The following MSH3 variants were observed in gnomAD, a reference collection of about 807,000 sequenced individuals.
MSH3 encodes the protein DNA mismatch repair protein Msh3.
Under a neutral mutation model 123.3 loss-of-function variants are expected in MSH3, and 106 were observed. That is an observed-to-expected ratio of 0.86 (90% CI 0.73 to 1.01). The LOEUF (loss-of-function observed/expected upper bound fraction) is 1.01. Ranked by LOEUF, MSH3 falls within the 50% of genes least tolerant of loss-of-function variation. The pLI is 0.00. For missense variants in MSH3, 1,459 were observed against 1,347.6 expected, an observed-to-expected ratio of 1.08 and a Z score of -1.29; for synonymous variants, 515 against 481.4, an observed-to-expected ratio of 1.07 and a Z score of -0.91.
chr5:80,776,029 A>G (rs889825779), intron 16 of MSH3, among the ~76,000 whole-genome samples: 1 of 151,990 alleles, frequency 6.6e-6, no homozygotes, highest in Non-Finnish European at 1.5e-5. Flanking sequence ...AGCTGGGACC[A>G]CAGGAGTACA....
chr5:80,826,526 A>G (rs762459968), intron 20 of MSH3, among the ~76,000 whole-genome samples: 73 of 151,170 alleles, frequency 4.8e-4, no homozygotes, highest in Non-Finnish European at 8.7e-4. Flanking sequence ...ATGAAACGCT[A>G]TAAACAGACA....
chr5:80,771,477 CAAA>C (rs61460666), intron 15 of MSH3, among the ~76,000 whole-genome samples: 14 of 99,406 alleles, frequency 1.4e-4, no homozygotes, highest in Admixed American at 1.1e-4. Context: ...AACCCTGTCT[CAAA>C]AAAAAAAAAA....
chr5:80,762,960 T>C (rs1350277892), intron 13 of MSH3, among the ~76,000 whole-genome samples: 2 of 151,698 alleles, frequency 1.3e-5, no homozygotes, highest in Non-Finnish European at 2.9e-5. Flanking sequence ...GATTCTTCTG[T>C]CTCAGCCTCC....
At chr5:80,811,104 G>T (rs533764004) in intron 19 of MSH3, among the ~76,000 whole-genome samples, 1 of 152,112 alleles carries the variant, frequency 6.6e-6, no homozygotes, top group Non-Finnish European at 1.5e-5. Flanking sequence ...ACCTGTATTT[G>T]TTGCTAAAAT....
intron 20 of MSH3, among the ~76,000 whole-genome samples, chr5:80,852,527 A>G (rs949888077): frequency 6.6e-6 from 1 of 152,192 alleles, no homozygotes; most frequent in East Asian, 1.9e-4. Context: ...GAAGCATTCT[A>G]AGTGGTTTCA....
intron 21 of MSH3, among the ~76,000 whole-genome samples, chr5:80,863,656 C>CA (rs1371570393): frequency 2.7e-5 from 4 of 147,236 alleles, no homozygotes; most frequent in South Asian, 2.1e-4. Context: ...GACACTCCGT[C>CA]TCAAAAAAAA....
intron 8 of MSH3, among the ~76,000 whole-genome samples, chr5:80,699,346 GTC>G (rs1443193283): frequency 6.6e-6 from 1 of 152,074 alleles, no homozygotes; most frequent in Non-Finnish European, 1.5e-5. Context: ...ATCACCTGAG[GTC>G]AGGAGTTCCA....
chr5:80,857,800 T>A (rs1397447548), intron 21 of MSH3, among the ~76,000 whole-genome samples: 3 of 152,190 alleles, frequency 2.0e-5, no homozygotes, highest in Non-Finnish European at 4.4e-5. Flanking sequence ...TTAGCTTGAC[T>A]AGAAGCTTAT....
At chr5:80,788,293 CG>C (rs1561478848) in intron 18 of MSH3, among the ~76,000 whole-genome samples, 2 of 151,956 alleles carry the variant, frequency 1.3e-5, no homozygotes, top group African/African-American at 4.8e-5. Context: ...AAAAATTAGC[CG>C]GGTGTGGTAT....
chr5:80,810,961 C>A (rs945415592), intron 19 of MSH3, among the ~76,000 whole-genome samples: 1 of 151,920 alleles, frequency 6.6e-6, no homozygotes, highest in Non-Finnish European at 1.5e-5. Context: ...TTTTGAGCAT[C>A]ATATTGTTGC....
chr5:80,806,336 A>T (rs1038024698), intron 19 of MSH3, among the ~76,000 whole-genome samples: 1 of 152,138 alleles, frequency 6.6e-6, no homozygotes, highest in African/African-American at 2.4e-5. Context: ...ACCTCAGATG[A>T]TCTGCCCGCC....
At chr5:80,725,715 C>T (rs1431225350) in intron 9 of MSH3, 150 bp downstream of exon 9, 1 of 683,716 alleles carries the variant, frequency 1.5e-6, no homozygotes, top group African/African-American at 1.8e-5. Flanking sequence ...ATCAGAAACA[C>T]TATTGTACTG....
At chr5:80,839,011 A>C (rs1274106715) in intron 20 of MSH3, among the ~76,000 whole-genome samples, 4 of 152,244 alleles carry the variant, frequency 2.6e-5, no homozygotes, top group African/African-American at 4.8e-5. Context: ...TTCTAGTGAC[A>C]GTACTCAATC....
intron 19 of MSH3, among the ~76,000 whole-genome samples, chr5:80,808,827 GACTT>G (rs1216201863): frequency 6.6e-5 from 8 of 120,778 alleles, no homozygotes; most frequent in African/African-American, 1.2e-4. Flanking sequence ...GAAAGTGTCA[GACTT>G]ACTTACTTTG....
intron 20 of MSH3, among the ~76,000 whole-genome samples, chr5:80,832,001 T>C (rs152411): frequency 0.22 from 32,885 of 151,958 alleles, 4,350 homozygotes; most frequent in Non-Finnish European, 0.29. Flanking sequence ...TCCCAGCTAC[T>C]CGGGAGGCTG....
chr5:80,679,387 C>T (rs1293893910), intron 8 of MSH3, among the ~76,000 whole-genome samples: 1 of 152,068 alleles, frequency 6.6e-6, no homozygotes, highest in Non-Finnish European at 1.5e-5. Flanking sequence ...ATAGAAGAAA[C>T]ACCACCTACC....
chr5:80,674,893 T>G (rs1327200865), intron 6 of MSH3, 90 bp from the exon 7 acceptor site: 1 of 1,185,124 alleles, frequency 8.4e-7, no homozygotes, highest in African/African-American at 1.5e-5. Context: ...AACCATTATT[T>G]TAAAGGAGAA....
intron 20 of MSH3, among the ~76,000 whole-genome samples, chr5:80,846,213 C>T (rs1001450341): frequency 5.1e-4 from 77 of 152,160 alleles, no homozygotes; most frequent in African/African-American, 1.8e-3. Flanking sequence ...CCCTCTTTGC[C>T]TGGGCATCAC....
intron 16 of MSH3, among the ~76,000 whole-genome samples, chr5:80,776,420 T>C (rs1286540661): frequency 1.3e-5 from 2 of 152,218 alleles, no homozygotes; most frequent in Non-Finnish European, 2.9e-5. Flanking sequence ...GCCTGACATT[T>C]CTTTTAAGAA....
Sources: allele counts gnomAD v4.1 joint callset (sites outside exome capture counted in the v4.1 genomes callset), GRCh38; gene constraint gnomAD v4.1.1; transcripts MANE v1.5; gene names NCBI Gene and HGNC (gene_info 2026-07-23, HGNC 2026-07-21).